The following SAMD5 variants were observed in gnomAD, a reference collection of about 807,000 sequenced individuals.
The protein encoded by SAMD5 is sterile alpha motif domain containing 5, also known as sterile alpha motif domain-containing protein 5.
SAMD5 carries 13 observed loss-of-function variants against 11.3 expected under a neutral mutation model. That is an observed-to-expected ratio of 1.15 (90% confidence interval 0.75 to 1.83). SAMD5 has a LOEUF of 1.83. Among genes scored for constraint, SAMD5 ranks in the 40% most tolerant of loss-of-function variants. SAMD5 has a pLI of 0.00. For missense variants in SAMD5, 255 were observed against 239.1 expected, an observed-to-expected ratio of 1.07 and a Z score of -0.44; for synonymous variants, 129 against 111.3, an observed-to-expected ratio of 1.16 and a Z score of -1.00.
the SAMD5 span, among the ~76,000 whole-genome samples, chr6:147,859,891 A>C: frequency 6.6e-6 from 1 of 152,196 alleles, no homozygotes; most frequent in Non-Finnish European, 1.5e-5. Context: ...GTCCATATTT[A>C]AATACAATAG....
At chr6:147,651,945 C>T (rs1790491398) in intron 1 of SAMD5, among the ~76,000 whole-genome samples, 2 of 128,456 alleles carry the variant, frequency 1.6e-5, no homozygotes, top group East Asian at 2.2e-4. Context: ...GTCGGAGTCC[C>T]ACAGCTCAAC....
chr6:147,873,600 G>T, the SAMD5 span, among the ~76,000 whole-genome samples: 1 of 151,958 alleles, frequency 6.6e-6, no homozygotes, highest in East Asian at 1.9e-4. Flanking sequence ...TGTATATATC[G>T]TACTAATGCT....
chr6:147,766,513 A>G, the SAMD5 span, among the ~76,000 whole-genome samples: 1 of 152,226 alleles, frequency 6.6e-6, no homozygotes, highest in Non-Finnish European at 1.5e-5. Flanking sequence ...AACATTGGAT[A>G]AAAGAAAATT....
intron 1 of SAMD5, among the ~76,000 whole-genome samples, chr6:147,593,879 G>C (rs1483634860): frequency 1.3e-5 from 2 of 152,166 alleles, no homozygotes; most frequent in Non-Finnish European, 2.9e-5. Flanking sequence ...TGTAATCCCA[G>C]CATTTTGGGA....
the SAMD5 span, among the ~76,000 whole-genome samples, chr6:147,863,045 G>A: frequency 3.9e-5 from 6 of 152,100 alleles, no homozygotes; most frequent in African/African-American, 1.2e-4. Flanking sequence ...GTCACAGCAG[G>A]TTCCAACATA....
the SAMD5 span, among the ~76,000 whole-genome samples, chr6:147,755,923 T>G: frequency 6.6e-6 from 1 of 152,164 alleles, no homozygotes; most frequent in African/African-American, 2.4e-5. Flanking sequence ...ATGAATGCTT[T>G]TCATTTCAAA....
the SAMD5 span, among the ~76,000 whole-genome samples, chr6:147,750,292 T>C: frequency 1.3e-5 from 2 of 152,246 alleles, no homozygotes; most frequent in South Asian, 4.1e-4. Context: ...TGCATCTTTT[T>C]AGATGAATGC....
At chr6:147,794,543 G>C in the SAMD5 span, among the ~76,000 whole-genome samples, 2 of 152,066 alleles carry the variant, frequency 1.3e-5, no homozygotes, top group African/African-American at 4.8e-5. Context: ...AATGGATTTA[G>C]AAGTATTACA....
At chr6:147,524,793 A>G (rs932247259) in intron 1 of SAMD5, among the ~76,000 whole-genome samples, 1 of 152,190 alleles carries the variant, frequency 6.6e-6, no homozygotes, top group Non-Finnish European at 1.5e-5. Context: ...AAGCCTTGAA[A>G]TATGTCAAAT....
At chr6:147,522,531 T>C (rs557560073) in intron 1 of SAMD5, among the ~76,000 whole-genome samples, 1 of 152,322 alleles carries the variant, frequency 6.6e-6, no homozygotes, top group African/African-American at 2.4e-5. Context: ...CTTAAACTAT[T>C]TTTACGTAAC....
At chr6:147,669,077 A>T (rs769602045) in intron 1 of SAMD5, among the ~76,000 whole-genome samples, 2 of 152,172 alleles carry the variant, frequency 1.3e-5, no homozygotes. Flanking sequence ...GTGGCAATTT[A>T]TTAAAATAAG....
the SAMD5 span, among the ~76,000 whole-genome samples, chr6:147,880,373 A>G: frequency 6.6e-6 from 1 of 152,012 alleles, no homozygotes; most frequent in Admixed American, 6.6e-5. Flanking sequence ...ACACACACAC[A>G]GAGACACATA....
At chr6:147,863,838 C>CT in the SAMD5 span, among the ~76,000 whole-genome samples, 2,713 of 90,882 alleles carry the variant, frequency 0.03, 102 homozygotes, top group African/African-American at 0.049. Flanking sequence ...TTTCTTTCCA[C>CT]TTTTTTTTTT....
the SAMD5 span, among the ~76,000 whole-genome samples, chr6:147,849,306 T>C: frequency 0.012 from 1,824 of 152,272 alleles, 40 homozygotes; most frequent in South Asian, 0.074. Flanking sequence ...ATGTATCTTA[T>C]ATAATCAAAA....
At chr6:147,878,888 G>T in the SAMD5 span, among the ~76,000 whole-genome samples, 1 of 151,940 alleles carries the variant, frequency 6.6e-6, no homozygotes, top group East Asian at 1.9e-4. Flanking sequence ...CCAAGTAGCT[G>T]GGACTATAGG....
chr6:147,572,797 G>A (rs1789156430), downstream of SAMD5, among the ~76,000 whole-genome samples: 2 of 152,156 alleles, frequency 1.3e-5, no homozygotes, highest in South Asian at 2.1e-4. Flanking sequence ...ACATTTTGAT[G>A]TGTCTTGCAC....
intron 1 of SAMD5, among the ~76,000 whole-genome samples, chr6:147,709,974 A>G (rs1237433587): frequency 2.0e-5 from 3 of 152,120 alleles, no homozygotes; most frequent in East Asian, 3.9e-4. Flanking sequence ...TAAAGTTTCA[A>G]TCCCTCAGTG....
the SAMD5 span, among the ~76,000 whole-genome samples, chr6:147,831,427 C>G: frequency 6.6e-6 from 1 of 152,196 alleles, no homozygotes; most frequent in Non-Finnish European, 1.5e-5. Flanking sequence ...CTGCTTTCCT[C>G]TTTTTCTCCC....
intron 1 of SAMD5, among the ~76,000 whole-genome samples, chr6:147,578,787 G>A (rs989603832): frequency 7.6e-5 from 6 of 78,692 alleles, no homozygotes; most frequent in Non-Finnish European, 1.5e-4. Context: ...TAATATCTGC[G>A]AAGTAAAAAA....
Sources: allele counts gnomAD v4.1 joint callset (sites outside exome capture counted in the v4.1 genomes callset), GRCh38; gene constraint gnomAD v4.1.1; transcripts MANE v1.5; gene names NCBI Gene and HGNC (gene_info 2026-07-23, HGNC 2026-07-21).